Variants in CADPS2 observed in about 807,000 individuals in gnomAD.
CADPS2 encodes calcium dependent secretion activator 2.
In CADPS2, 93 loss-of-function variants were observed where a neutral mutation model predicts 172.5. The ratio of observed to expected loss-of-function variants is 0.54; its 90% CI spans 0.46 to 0.64. The LOEUF is 0.64. Among genes scored for constraint, CADPS2 ranks in the 30% least tolerant of loss-of-function variants. The pLI is 0.00. For missense variants in CADPS2, 1,420 were observed against 1,565.9 expected (o/e 0.91, Z 1.57); for synonymous variants, 546 against 555.2 (o/e 0.98, Z 0.23).
intron 29 of CADPS2, among the ~76,000 whole-genome samples, chr7:122,323,192 T>C (rs1285166905): frequency 6.6e-6 from 1 of 152,150 alleles, no homozygotes; most frequent in Non-Finnish European, 1.5e-5. Flanking sequence ...ATTGTGAAAA[T>C]AATTATTTCT....
At chr7:122,668,402 TA>T (rs34006020) in intron 2 of CADPS2, among the ~76,000 whole-genome samples, 101,641 of 138,150 alleles carry the variant, frequency 0.74, 37,231 homozygotes, top group East Asian at 0.98. Flanking sequence ...AAAGTATGGT[TA>T]AAAAAAAAAA....
At chr7:122,829,304 A>G (rs1369964388) in intron 1 of CADPS2, among the ~76,000 whole-genome samples, 1 of 152,206 alleles carries the variant, frequency 6.6e-6, no homozygotes, top group Non-Finnish European at 1.5e-5. Context: ...AAATTCAAAC[A>G]TGCCATATTT....
chr7:122,333,025 A>T (rs2035256341), intron 28 of CADPS2, among the ~76,000 whole-genome samples: 1 of 152,192 alleles, frequency 6.6e-6, no homozygotes, highest in South Asian at 2.1e-4. Flanking sequence ...GATGGGATGC[A>T]TACTGGTTTG....
intron 9 of CADPS2, among the ~76,000 whole-genome samples, chr7:122,505,684 G>C (rs534142608): frequency 2.0e-5 from 3 of 152,150 alleles, no homozygotes; most frequent in Non-Finnish European, 4.4e-5. Flanking sequence ...TAGGAAATGT[G>C]AGCCATGAGA....
chr7:122,618,212 T>C (rs762309477), intron 5 of CADPS2, among the ~76,000 whole-genome samples: 3 of 152,204 alleles, frequency 2.0e-5, no homozygotes, highest in Non-Finnish European at 2.9e-5. Flanking sequence ...TTCTGAAGCC[T>C]TAATGAACAG....
chr7:122,409,282 A>C (rs537163248), intron 19 of CADPS2, among the ~76,000 whole-genome samples: 8 of 152,312 alleles, frequency 5.3e-5, no homozygotes, highest in Admixed American at 4.6e-4. Flanking sequence ...GCAGTCCTGC[A>C]AAGAGACATT....
rs771505837 is a variant in CADPS2, at chr7:122,704,408, AC to A, written c.453+32546del. On this transcript the variant is annotated intron_variant, in intron 2 of 29. Transcript: ENST00000449022. The stretch of plus-strand genomic sequence containing the variant: ...TTCCTGGCTGATTCTATTAACAGTG[AC>A]AAATTGAAGCCTCATTAAGAAGACG... Among the ~76,000 whole-genome samples, 34 of 152,018 alleles carry A rather than the reference AC, an allele frequency of 2.2e-4. 3 individuals carry two copies. The South Asian group carries it at 6.0e-3, about 27-fold the overall frequency.
In CADPS2 at chr7:122,730,943, A is replaced by G. The variant is rs921280281; in HGVS notation, c.453+6012T>C. Among the ~76,000 whole-genome samples the G allele has an allele frequency of 2.0e-5, 3 of 151,558 alleles. No individual in the cohort carries two copies. The East Asian group carries it at 5.8e-4, about 29-fold the overall frequency. On this transcript the variant is annotated intron_variant, in intron 2 of 29. Transcript: ENST00000449022. Reference sequence around the variant, plus strand: ...AGGCCAGAATTAGAACATTTTTGAGATAAAAATGAGTACTGTTCCCCAAAT... The same window carrying G: ...AGGCCAGAATTAGAACATTTTTGAGGTAAAAATGAGTACTGTTCCCCAAAT...
At chr7:122,837,709 C>G (rs1163311833) in intron 1 of CADPS2, among the ~76,000 whole-genome samples, 5 of 152,314 alleles carry the variant, frequency 3.3e-5, no homozygotes, top group African/African-American at 1.2e-4. Context: ...GACACATACA[C>G]TCTCCCAACA....
chr7:122,614,007 T>C (rs1236972077), intron 6 of CADPS2, among the ~76,000 whole-genome samples: 1 of 151,908 alleles, frequency 6.6e-6, no homozygotes, highest in South Asian at 2.1e-4. Flanking sequence ...TTCTCAGTGA[T>C]GGTTAAGTTG....
intron 27 of CADPS2, among the ~76,000 whole-genome samples, chr7:122,351,236 G>T (rs533335594): frequency 6.6e-6 from 1 of 151,372 alleles, no homozygotes; most frequent in Admixed American, 6.6e-5. Flanking sequence ...AGCTGGGCAT[G>T]GTGGCGGGTG....
At chr7:122,699,156 T>G (rs1165330285) in intron 2 of CADPS2, 2 of 445,230 alleles carry the variant, frequency 4.5e-6, no homozygotes, top group Non-Finnish European at 8.1e-6. Context: ...AGATACTGCT[T>G]ACTATTGTGT....
intron 3 of CADPS2, among the ~76,000 whole-genome samples, chr7:122,656,076 G>C (rs1366755725): frequency 6.6e-6 from 1 of 152,170 alleles, no homozygotes; most frequent in South Asian, 2.1e-4. Context: ...AGAAGCTGCT[G>C]TATGCCATGA....
intron 1 of CADPS2, among the ~76,000 whole-genome samples, chr7:122,776,567 G>GA (rs371142744): frequency 0.035 from 4,695 of 135,186 alleles, 98 homozygotes; most frequent in Non-Finnish European, 0.044. Context: ...TCAGAAAAAA[G>GA]AAAAAAAAAA....
intron 12 of CADPS2, among the ~76,000 whole-genome samples, chr7:122,477,199 T>C (rs1385069509): frequency 6.6e-6 from 1 of 152,078 alleles, no homozygotes; most frequent in Non-Finnish European, 1.5e-5. Flanking sequence ...ATAATAGCAA[T>C]GTATACAAGT....
At chr7:122,471,192 G>A (rs1201612274) in intron 14 of CADPS2, among the ~76,000 whole-genome samples, 183 bp downstream of exon 14, 1 of 151,086 alleles carries the variant, frequency 6.6e-6, no homozygotes, top group Non-Finnish European at 1.5e-5. Context: ...AACATAAAGT[G>A]TAGCCCACCT....
At chr7:122,593,361 C>T (rs1231676076) in intron 6 of CADPS2, among the ~76,000 whole-genome samples, 2 of 151,970 alleles carry the variant, frequency 1.3e-5, no homozygotes, top group Non-Finnish European at 2.9e-5. Context: ...TACCTGAGCC[C>T]TCGCCCACAG....
rs186817346 is a variant in CADPS2 at position 122,381,380 on chromosome 7, G to T, written c.3313-1938C>A. On this transcript the variant is annotated intron_variant, in intron 24 of 29. Transcript: ENST00000449022. ...CTCACTTCCCTCTTACATGGAAAGTGCTCCAAAGCATGCAGGCATTGAGGC... is the reference window on the plus strand; with the variant it reads ...CTCACTTCCCTCTTACATGGAAAGTTCTCCAAAGCATGCAGGCATTGAGGC... Among the ~76,000 whole-genome samples the T allele has an allele frequency of 2.8e-4, 42 of 152,224 alleles. No individual in the cohort carries two copies. In the East Asian group the frequency reaches 8.1e-3, roughly 29 times the overall value.
At chr7:122,486,455 C>A (rs910350120) in intron 11 of CADPS2, among the ~76,000 whole-genome samples, 5 of 152,010 alleles carry the variant, frequency 3.3e-5, no homozygotes, top group African/African-American at 7.2e-5. Context: ...AGCAAAAGAA[C>A]CAGAATTAAA....
Sources: allele counts gnomAD v4.1 joint callset (sites outside exome capture counted in the v4.1 genomes callset), GRCh38; gene constraint gnomAD v4.1.1; transcripts MANE v1.5; gene names NCBI Gene and HGNC (gene_info 2026-07-23, HGNC 2026-07-21).